The following FSIP1 variants were observed in gnomAD, a reference collection of about 807,000 sequenced individuals.
The protein encoded by FSIP1 is fibrous sheath-interacting protein 1.
A neutral mutation model predicts 60.9 loss-of-function variants in FSIP1; 65 were observed. The observed-to-expected ratio is 1.07, with a 90% CI of 0.87 to 1.31. The LOEUF (loss-of-function observed/expected upper bound fraction) is 1.31, where lower values mean the gene tolerates loss of function less well. FSIP1 is among the 40% of genes most tolerant of loss of function. The pLI is 0.00. For missense variants in FSIP1, 675 were observed against 665.5 expected, an observed-to-expected ratio of 1.01 and a Z score of -0.16; for synonymous variants, 209 against 221.2, an observed-to-expected ratio of 0.94 and a Z score of 0.49.
In FSIP1 at chr15:39,638,262, G is replaced by A. The variant is rs375366653; in HGVS notation, c.1189-20017C>T. On this transcript the variant is annotated intron_variant, in intron 10 of 11. Coordinates refer to ENST00000350221, the MANE Select transcript of FSIP1 (RefSeq NM_152597.5). ...ATAATAACCTGATTTCACACTTCCCGTTAAGCATGTTTAGAGTACATTATA... is the reference window on the plus strand; with the variant it reads ...ATAATAACCTGATTTCACACTTCCCATTAAGCATGTTTAGAGTACATTATA... 5.9e-5 allele frequency among the ~76,000 whole-genome samples: 9 copies of A among 152,272 alleles called. 1 individual carries two copies. The highest frequency in any genetic ancestry group is 2.0e-4 in the Admixed American group (3 of 15,290).
chr15:39,724,954 C>T (rs778541433), intron 9 of FSIP1, among the ~76,000 whole-genome samples: 3 of 152,160 alleles, frequency 2.0e-5, no homozygotes, highest in Non-Finnish European at 4.4e-5. Flanking sequence ...GGGATACGGC[C>T]GGATGCAGTG....
In FSIP1 at chr15:39,745,640, A is replaced by G. The variant is rs1460574141; in HGVS notation, c.560-3740T>C. ...CCCTCAGACACACCCACACTCACTC[A>G]CAGTGGAACCACGTAGATAACCTAA... On this transcript the variant is annotated intron_variant, in intron 5 of 11. Coordinates refer to ENST00000350221, the MANE Select transcript of FSIP1 (RefSeq NM_152597.5). Among the ~76,000 whole-genome samples, 3 of 152,322 alleles carry G rather than the reference A, an allele frequency of 2.0e-5. No individual in the cohort carries two copies. In the East Asian group the frequency reaches 5.8e-4, roughly 29 times the overall value.
chr15:39,662,313 C>T (rs1308068855), intron 10 of FSIP1, among the ~76,000 whole-genome samples: 1 of 151,870 alleles, frequency 6.6e-6, no homozygotes, highest in African/African-American at 2.4e-5. Context: ...TAATCAAGCC[C>T]CCCAAAATTA....
chr15:39,710,921 T>A (rs755910711), intron 10 of FSIP1, among the ~76,000 whole-genome samples: 3 of 152,254 alleles, frequency 2.0e-5, no homozygotes, highest in Non-Finnish European at 4.4e-5. Flanking sequence ...CATGTATTAT[T>A]CTTTTCCACT....
chr15:39,627,922 G>C (rs1891709415), intron 10 of FSIP1, among the ~76,000 whole-genome samples: 1 of 152,212 alleles, frequency 6.6e-6, no homozygotes, highest in African/African-American at 2.4e-5. Flanking sequence ...GCAGGGCTCT[G>C]AAGGGCAACT....
chr15:39,738,544 C>T (rs1896696429), intron 7 of FSIP1, among the ~76,000 whole-genome samples: 1 of 152,174 alleles, frequency 6.6e-6, no homozygotes, highest in Non-Finnish European at 1.5e-5. Flanking sequence ...AATCTTCTTG[C>T]CACTTTCTTT....
At chr15:39,713,397 CCT>C in intron 10 of FSIP1, 45 bp downstream of exon 10, 1 of 1,536,486 alleles carries the variant, frequency 6.5e-7, no homozygotes. Flanking sequence ...TGAGAACCTG[CCT>C]CTATTTTTTT....
At chr15:39,664,804 G>C (rs776671017) in intron 10 of FSIP1, among the ~76,000 whole-genome samples, 4 of 152,006 alleles carry the variant, frequency 2.6e-5, no homozygotes, top group Non-Finnish European at 5.9e-5. Flanking sequence ...ATGTGCTGTC[G>C]ACCTTCCTCA....
At chr15:39,706,199 T>C (rs1895262918) in intron 10 of FSIP1, among the ~76,000 whole-genome samples, 1 of 152,124 alleles carries the variant, frequency 6.6e-6, no homozygotes, top group South Asian at 2.1e-4. Flanking sequence ...ACTTTGAAAA[T>C]ATTCCTAAAA....
At chr15:39,761,560 A>C (rs1306398774) in intron 5 of FSIP1, among the ~76,000 whole-genome samples, 1 of 152,222 alleles carries the variant, frequency 6.6e-6, no homozygotes, top group East Asian at 1.9e-4. Context: ...GGTTACCAGA[A>C]GCTGGAGGAT....
chr15:39,750,918 A>G (rs1897142434), intron 5 of FSIP1, among the ~76,000 whole-genome samples: 1 of 151,980 alleles, frequency 6.6e-6, no homozygotes, highest in African/African-American at 2.4e-5. Context: ...ATTTATAAAG[A>G]ACTCATACAA....
At chr15:39,674,090 T>C (rs1257874454) in intron 10 of FSIP1, among the ~76,000 whole-genome samples, 1 of 151,764 alleles carries the variant, frequency 6.6e-6, no homozygotes, top group Non-Finnish European at 1.5e-5. Flanking sequence ...AGTCTCGCTC[T>C]GTCGCCCAGG....
chr15:39,739,076 C>A (rs561099554), intron 7 of FSIP1, among the ~76,000 whole-genome samples: 1 of 152,188 alleles, frequency 6.6e-6, no homozygotes, highest in Admixed American at 6.5e-5. Flanking sequence ...AACCCAGGAA[C>A]CCCTGCGCCC....
intron 10 of FSIP1, among the ~76,000 whole-genome samples, chr15:39,669,828 C>G (rs1027846056): frequency 2.0e-5 from 3 of 152,182 alleles, no homozygotes; most frequent in Admixed American, 2.0e-4. Flanking sequence ...AAATTAACAA[C>G]CAGCATTTTT....
At chr15:39,711,610 T>C (rs1293032564) in intron 10 of FSIP1, among the ~76,000 whole-genome samples, 3 of 151,574 alleles carry the variant, frequency 2.0e-5, no homozygotes, top group South Asian at 4.2e-4. Context: ...GAATTCACAA[T>C]GTACTATCGT....
chr15:39,738,256 G>GAAAAA, intron 7 of FSIP1, 55 bp from the exon 8 acceptor site: 1 of 989,040 alleles, frequency 1.0e-6, no homozygotes. Flanking sequence ...CACAGTTCAG[G>GAAAAA]AAAAAAAAAA....
At chr15:39,689,150 A>G (rs1894499236) in intron 10 of FSIP1, among the ~76,000 whole-genome samples, 1 of 152,138 alleles carries the variant, frequency 6.6e-6, no homozygotes, top group South Asian at 2.1e-4. Context: ...CTGCTTTACT[A>G]TAAAGGATAC....
intron 2 of FSIP1, among the ~76,000 whole-genome samples, chr15:39,774,474 C>CA (rs201038941): frequency 0.048 from 5,522 of 116,192 alleles, 267 homozygotes; most frequent in East Asian, 0.17. Flanking sequence ...GAGCAAGACT[C>CA]AAAAAAAAAA....
At chr15:39,615,134 A>G (rs1891176476) in intron 11 of FSIP1, among the ~76,000 whole-genome samples, 1 of 152,240 alleles carries the variant, frequency 6.6e-6, no homozygotes, top group Non-Finnish European at 1.5e-5. Context: ...TGGATTAAAG[A>G]CACAAATATA....
Sources: gnomAD v4.1 joint callset for allele counts (sites outside exome capture counted in the v4.1 genomes callset) on GRCh38, gnomAD v4.1.1 for gene constraint, MANE v1.5 for transcripts, NCBI Gene and HGNC (gene_info 2026-07-23, HGNC 2026-07-21) for gene names.